Variants in MRAS observed in about 807,000 individuals in gnomAD.
MRAS encodes the protein muscle RAS oncogene homolog, also known as ras-related protein M-Ras.
In MRAS, 4 loss-of-function variants were observed where a neutral mutation model predicts 20.9. That is an observed-to-expected ratio of 0.19 (90% CI 0.09 to 0.44). The LOEUF (loss-of-function observed/expected upper bound fraction) is 0.44. MRAS is among the 20% of genes least tolerant of loss of function. MRAS has a pLI of 0.99. For synonymous variants in MRAS, 98 were observed against 102.9 expected, an observed-to-expected ratio of 0.95 and a Z score of 0.29; for missense variants, 154 against 277.5, an observed-to-expected ratio of 0.56 and a Z score of 3.16.
At chr3:138,389,879 G>T (rs1334739139) in intron 2 of MRAS, among the ~76,000 whole-genome samples, 1 of 151,942 alleles carries the variant, frequency 6.6e-6, no homozygotes, top group Non-Finnish European at 1.5e-5. Context: ...CGTACCCTGG[G>T]CTATGGGCCA....
intron 1 of MRAS, among the ~76,000 whole-genome samples, chr3:138,363,927 A>G (rs187666946): frequency 1.8e-3 from 269 of 147,062 alleles, no homozygotes; most frequent in African/African-American, 6.5e-3. Flanking sequence ...TTCATGCTGA[A>G]CTTGCTGGCA....
At chr3:138,359,644 A>G (rs999389084) in intron 1 of MRAS, among the ~76,000 whole-genome samples, 5 of 152,198 alleles carry the variant, frequency 3.3e-5, no homozygotes, top group African/African-American at 1.2e-4. Context: ...GGGCTCTGAC[A>G]TACTCCTGGG....
intron 1 of MRAS, among the ~76,000 whole-genome samples, chr3:138,370,019 T>C (rs565380527): frequency 6.6e-6 from 1 of 152,272 alleles, no homozygotes; most frequent in South Asian, 2.1e-4. Flanking sequence ...AATGGGAGCT[T>C]TAAGAACAGC....
At chr3:138,385,760 C>T (rs949157569) in intron 2 of MRAS, among the ~76,000 whole-genome samples, 3 of 152,168 alleles carry the variant, frequency 2.0e-5, no homozygotes, top group South Asian at 2.1e-4. Flanking sequence ...GGTAATCCAC[C>T]TGCCTTGGCC....
In MRAS at chr3:138,402,179, T is replaced by G. The variant is rs770370931; in HGVS notation, c.537T>G (p.Ile179Met). Residue 179 changes from isoleucine (I) to methionine (M), a missense_variant, in exon 6 of 6, where the codon ATT becomes ATG. This residue lies in a region of MRAS where 125 missense variants were observed against 213.5 expected (regional missense o/e 0.59). Transcript: ENST00000423968. ...HDLVRVIRQQ[I>M]PEKSQKKKKK... Reference sequence around the variant, plus strand: ...TTCATTGTTTCAAAAGGCAACAGATTCCGGAAAAAAGCCAGAAGAAGAAGA... The same window carrying G: ...TTCATTGTTTCAAAAGGCAACAGATGCCGGAAAAAAGCCAGAAGAAGAAGA... 4 of 1,614,068 alleles carry G rather than the reference T, an allele frequency of 2.5e-6. No homozygotes were observed. In the South Asian group the frequency reaches 4.4e-5, roughly 18 times the overall value.
intron 1 of MRAS, among the ~76,000 whole-genome samples, chr3:138,360,928 C>T (rs1291946017): frequency 6.6e-6 from 1 of 152,180 alleles, no homozygotes; most frequent in East Asian, 1.9e-4. Context: ...TGAAGAGGGG[C>T]ATGCCGAGCT....
At chr3:138,352,724 A>G (rs1182841674) in intron 1 of MRAS, among the ~76,000 whole-genome samples, 1 of 152,070 alleles carries the variant, frequency 6.6e-6, no homozygotes, top group African/African-American at 2.4e-5. Context: ...TATGGGTTGT[A>G]GTGCTAGTAA....
At chr3:138,352,118 C>T (rs530831589) in intron 1 of MRAS, among the ~76,000 whole-genome samples, 10 of 152,358 alleles carry the variant, frequency 6.6e-5, no homozygotes, top group African/African-American at 2.4e-4. Context: ...TGCAGTCAGC[C>T]AGTGGGTCTG....
chr3:138,386,903 C>T (rs1482591550), intron 2 of MRAS, among the ~76,000 whole-genome samples: 1 of 152,164 alleles, frequency 6.6e-6, no homozygotes, highest in East Asian at 1.9e-4. Context: ...TGAAAACTTG[C>T]TTTCAGTTCT....
intron 1 of MRAS, among the ~76,000 whole-genome samples, chr3:138,354,888 C>T (rs1440578307): frequency 6.6e-6 from 1 of 152,120 alleles, no homozygotes; most frequent in Non-Finnish European, 1.5e-5. Context: ...TCAAGCCATC[C>T]TCCTGCCTCA....
intron 2 of MRAS, among the ~76,000 whole-genome samples, chr3:138,377,334 C>T (rs1000464645): frequency 4.6e-5 from 7 of 152,170 alleles, no homozygotes. Context: ...TGGCCGGGTG[C>T]GGTGGCTCAC....
chr3:138,358,556 G>A (rs553195108), intron 1 of MRAS, among the ~76,000 whole-genome samples: 10 of 152,346 alleles, frequency 6.6e-5, no homozygotes, highest in African/African-American at 2.4e-4. Flanking sequence ...GTAACATAAG[G>A]ATTAGAGATG....
chr3:138,378,285 A>C (rs1156287565), intron 2 of MRAS, among the ~76,000 whole-genome samples: 1 of 152,114 alleles, frequency 6.6e-6, no homozygotes, highest in Non-Finnish European at 1.5e-5. Context: ...CTTTCTTGCA[A>C]ACCTGTTTCT....
chr3:138,378,486 A>G (rs1295334026), intron 2 of MRAS, among the ~76,000 whole-genome samples: 1 of 152,136 alleles, frequency 6.6e-6, no homozygotes, highest in Non-Finnish European at 1.5e-5. Flanking sequence ...TCAAGGGCCC[A>G]ACCCTCGGAG....
intron 1 of MRAS, among the ~76,000 whole-genome samples, chr3:138,359,182 T>C (rs1296669169): frequency 6.6e-6 from 1 of 152,136 alleles, no homozygotes; most frequent in African/African-American, 2.4e-5. Context: ...CATTTAGGGC[T>C]TGGGGAGGGA....
chr3:138,382,955 G>A (rs1255700606), intron 2 of MRAS, among the ~76,000 whole-genome samples: 3 of 152,048 alleles, frequency 2.0e-5, no homozygotes, highest in South Asian at 4.2e-4. Context: ...ACCTTCCCTG[G>A]GCCTCAGTGT....
At position 138,398,624 on chromosome 3, in the gene MRAS, G is replaced by T; in HGVS notation, c.447+56G>T. 5 of 1,485,042 alleles carry T rather than the reference G, an allele frequency of 3.4e-6. No homozygotes were observed. The South Asian group carries it at 5.7e-5, about 17-fold the overall frequency. The allele number at this position is 1,485,042 out of a possible 1,614,324, so 92.0% of individuals were successfully genotyped here. ...AGGAGATGTGTAAAAGCTGTAGCCT[G>T]GTCACCCCTGCAGTCCTGGTCTTTG... is the stretch of plus-strand genomic sequence containing the variant. On this transcript the variant is annotated intron_variant, in intron 4 of 5. Coordinates refer to ENST00000423968, the MANE Select transcript of MRAS (RefSeq NM_001085049.3).
At chr3:138,401,371 C>G (rs2055356358) in intron 5 of MRAS, among the ~76,000 whole-genome samples, 1 of 152,216 alleles carries the variant, frequency 6.6e-6, no homozygotes, top group Non-Finnish European at 1.5e-5. Context: ...CTAACCCCCA[C>G]TATACACACA....
intron 1 of MRAS, among the ~76,000 whole-genome samples, chr3:138,367,705 T>C (rs2054589778): frequency 6.6e-6 from 1 of 152,196 alleles, no homozygotes; most frequent in African/African-American, 2.4e-5. Context: ...TTCCCATGTG[T>C]TGGGCTCTGC....
Sources: allele counts gnomAD v4.1 joint callset (sites outside exome capture counted in the v4.1 genomes callset), GRCh38; gene constraint gnomAD v4.1.1; regional missense constraint gnomAD v4.1.1; transcripts MANE v1.5; gene names NCBI Gene and HGNC (gene_info 2026-07-23, HGNC 2026-07-21).